Variants in SLC9A7 observed in about 807,000 individuals in gnomAD.
SLC9A7 encodes sodium/hydrogen exchanger 7.
Under a neutral mutation model 52.6 loss-of-function variants are expected in SLC9A7, and 19 were observed. The ratio of observed to expected loss-of-function variants is 0.36; its 90% CI spans 0.25 to 0.53. The LOEUF (loss-of-function observed/expected upper bound fraction) is 0.53. SLC9A7 is among the 20% of genes least tolerant of loss of function. The probability of loss-of-function intolerance (pLI) is 0.91; values close to 1 mark genes in which losing one functional copy is unlikely to be tolerated. For missense variants in SLC9A7, 455 were observed against 597.9 expected, an observed-to-expected ratio of 0.76 and a Z score of 2.49; for synonymous variants, 226 against 252.1, an observed-to-expected ratio of 0.90 and a Z score of 0.98.
At chrX:46,731,385 A>G (rs1352560866) in intron 1 of SLC9A7, among the ~76,000 whole-genome samples, 2 of 103,884 alleles carry the variant, frequency 1.9e-5, no homozygotes, top group African/African-American at 6.8e-5. Flanking sequence ...TGAGGCCAGG[A>G]ATTCGAGGGC....
intron 1 of SLC9A7, among the ~76,000 whole-genome samples, chrX:46,739,581 C>G (rs1921183630): frequency 9.0e-6 from 1 of 111,019 alleles, no homozygotes; most frequent in African/African-American, 3.3e-5. Flanking sequence ...TTCCTGGGCT[C>G]TGGTAATACT....
At chrX:46,676,899 G>T (rs772465138) in intron 3 of SLC9A7, among the ~76,000 whole-genome samples, 1 of 111,238 alleles carries the variant, frequency 9.0e-6, no homozygotes, top group East Asian at 2.8e-4. Flanking sequence ...GACAGAGAGG[G>T]TATCACCTTG....
At chrX:46,750,219 T>C (rs756292444) in intron 1 of SLC9A7, among the ~76,000 whole-genome samples, 2 of 112,208 alleles carry the variant, frequency 1.8e-5, no homozygotes, top group Non-Finnish European at 3.8e-5. Context: ...CATCCTCAGC[T>C]ATATTGAGTT....
At position 46,701,316 on chromosome X, in the gene SLC9A7, G is replaced by A. The variant is rs768996323; in HGVS notation, c.326-18781C>T. 1.1e-4 allele frequency among the ~76,000 whole-genome samples: 12 copies of A among 111,403 alleles called. No individual in the cohort carries two copies. The South Asian group carries it at 1.1e-3, about 11-fold the overall frequency. The stretch of plus-strand genomic sequence containing the variant: ...AAAGCTCTTATTATGGGCCGGGCGC[G>A]GTGGCTCACACCTGTAATCCCAGCA... On this transcript the variant is annotated intron_variant, in intron 1 of 16. Transcript: ENST00000616978.
chrX:46,632,743 A>G (rs967775513), intron 13 of SLC9A7, among the ~76,000 whole-genome samples: 4 of 111,653 alleles, frequency 3.6e-5, no homozygotes, highest in African/African-American at 9.8e-5. Context: ...TACTGTTTAA[A>G]TATACATCAG....
chrX:46,753,004 T>C (rs1556289253), intron 1 of SLC9A7, among the ~76,000 whole-genome samples: 1 of 112,365 alleles, frequency 8.9e-6, no homozygotes, highest in East Asian at 2.8e-4. Flanking sequence ...CATTTTTCTA[T>C]TTTTTAAGAT....
Position 46,600,989 on chromosome X carries a change from G to C in SLC9A7, c.*5963C>G, listed in dbSNP as rs914527765. ...AATAGCTCAGAACTCAATGATACCA[G>C]TCTAATGTATATGAAAGACTTGTTC... On this transcript the variant is annotated 3_prime_UTR_variant, in exon 17 of 17. Transcript: ENST00000616978. The C allele has an allele frequency of 2.7e-5, 3 of 111,996 alleles. No individual in the cohort carries two copies. Among genetic ancestry groups the C allele is most frequent in the African/African-American group, 9.7e-5 (3 of 30,842 alleles). 9.2% of individuals were successfully genotyped at this position (111,996 alleles called of 1,213,427 possible).
Position 46,662,041 on chromosome X carries a change from G to A in SLC9A7, c.1016C>T (p.Ala339Val). Residue 339 changes from alanine to valine, a missense_variant, in exon 7 of 17, where the codon GCT (alanine) becomes GTT (valine). By Grantham distance (64) the Ala-to-Val change is moderately conservative. Around this residue, in one of 3 missense-constraint regions of SLC9A7, gnomAD observed 304 missense variants for 417.8 expected, o/e 0.73. Transcript: ENST00000616978. ...TAGAGCAGTCACAACACCAGTCACA[G>A]CTCCCATGGTAAAAGAGCCACTAAA... The part of the protein sequence containing the change: ...GIFSGSFTMG[A>V]VTGVVTALVT... 1 of 1,199,272 alleles carries A rather than the reference G, an allele frequency of 8.3e-7. No individual in the cohort carries two copies. The highest frequency in any genetic ancestry group is 1.1e-6 in the Non-Finnish European group (1 of 888,805).
In SLC9A7 at chrX:46,692,951, CT is replaced by C. The variant is rs1944400613; in HGVS notation, c.326-10417del. Among the ~76,000 whole-genome samples, 3 of 110,423 alleles carry C rather than the reference CT, an allele frequency of 2.7e-5. No homozygotes were observed. The Admixed American group carries it at 2.9e-4, about 11-fold the overall frequency. On this transcript the variant is annotated intron_variant, in intron 1 of 16. Coordinates refer to ENST00000616978, the MANE Select transcript of SLC9A7 (RefSeq NM_001257291.2). The stretch of plus-strand genomic sequence containing the variant: ...CACTGAGAAGCCATACTTCTCCAAG[CT>C]CTGGATTCCCACCTCACCAGAATTT...
intron 15 of SLC9A7, among the ~76,000 whole-genome samples, chrX:46,614,739 T>C (rs1331916081): frequency 9.0e-6 from 1 of 111,690 alleles, no homozygotes; most frequent in African/African-American, 3.3e-5. Flanking sequence ...CACATTTTGA[T>C]ACAGCCGGGA....
intron 1 of SLC9A7, among the ~76,000 whole-genome samples, chrX:46,686,702 G>C (rs1944300501): frequency 8.9e-6 from 1 of 111,794 alleles, no homozygotes; most frequent in Non-Finnish European, 1.9e-5. Flanking sequence ...TAACAGCCTA[G>C]TGTTCTAGAT....
chrX:46,653,511 C>CT, intron 8 of SLC9A7, 98 bp downstream of exon 8: 1 of 526,659 alleles, frequency 1.9e-6, no homozygotes, highest in Admixed American at 3.3e-5. Context: ...CAGTTAAACT[C>CT]TGTGCAGCTG....
rs1674798048 is a variant in SLC9A7 at position 46,651,409 on chromosome X, T to C, written c.1148-5A>G. Reference sequence around the variant, plus strand: ...AGAAAAGGACAGCTACAACACCTGTTAAAACATCCCCCCAAAAAAAATCAA... The same window carrying C: ...AGAAAAGGACAGCTACAACACCTGTCAAAACATCCCCCCAAAAAAAATCAA... On this transcript the variant is annotated splice_polypyrimidine_tract_variant and splice_region_variant and intron_variant, in intron 8 of 16. Transcript: ENST00000616978. The C allele has an allele frequency of 2.6e-6, 3 of 1,170,002 alleles. No individual in the cohort carries two copies. Among genetic ancestry groups the C allele is most frequent in the Middle Eastern group, 3.2e-4 (1 of 3,121 alleles).
intron 7 of SLC9A7, among the ~76,000 whole-genome samples, chrX:46,660,990 G>A (rs1229206485): frequency 9.1e-6 from 1 of 109,913 alleles, no homozygotes; most frequent in African/African-American, 3.3e-5. Context: ...AACAATGATA[G>A]ACTGGATTAA....
chrX:46,633,578 A>T (rs1943266901), intron 13 of SLC9A7, among the ~76,000 whole-genome samples: 1 of 108,709 alleles, frequency 9.2e-6, no homozygotes, highest in Non-Finnish European at 1.9e-5. Context: ...AACCAAACTG[A>T]TCTCTGGGAA....
Position 46,600,563 on chromosome X carries a change from C to A in SLC9A7, c.*6389G>T, listed in dbSNP as rs780410602. On this transcript the variant is annotated 3_prime_UTR_variant, in exon 17 of 17. Coordinates refer to ENST00000616978, the MANE Select transcript of SLC9A7 (RefSeq NM_001257291.2). ...ATATGGGCCACGACTATAGTATACC[C>A]TGCTTACAAAAATAAGACTAACATC... 8.9e-6 allele frequency: 1 copy of A among 112,117 alleles called. No individual in the cohort carries two copies. Among genetic ancestry groups the A allele is most frequent in the African/African-American group, 3.2e-5 (1 of 30,914 alleles). The allele number at this position is 112,117 out of a possible 1,213,427, so 9.2% of individuals were successfully genotyped here.
intron 1 of SLC9A7, among the ~76,000 whole-genome samples, chrX:46,752,670 G>A (rs894278295): frequency 1.8e-5 from 2 of 110,950 alleles, no homozygotes; most frequent in Non-Finnish European, 3.8e-5. Context: ...AGGTAAAGCT[G>A]TACACTTCCT....
intron 16 of SLC9A7, among the ~76,000 whole-genome samples, chrX:46,608,033 G>A (rs932846630): frequency 4.5e-5 from 5 of 112,200 alleles, no homozygotes; most frequent in Non-Finnish European, 7.5e-5. Context: ...ACCCTTCAAA[G>A]CTCATCTGAA....
intron 1 of SLC9A7, among the ~76,000 whole-genome samples, chrX:46,745,824 G>A (rs1422355259): frequency 9.5e-6 from 1 of 105,813 alleles, no homozygotes; most frequent in Non-Finnish European, 1.9e-5. Flanking sequence ...CAGCCTGGGT[G>A]ACAGAGACCC....
Sources: allele counts gnomAD v4.1 joint callset (sites outside exome capture counted in the v4.1 genomes callset), GRCh38; gene constraint gnomAD v4.1.1; regional missense constraint gnomAD v4.1.1; transcripts MANE v1.5; gene names NCBI Gene and HGNC (gene_info 2026-07-23, HGNC 2026-07-21).